TENT4A: variants seen among roughly 807,000 people sequenced by gnomAD.
TENT4A encodes DNA polymerase kappa.
In TENT4A, 7 loss-of-function variants were observed where a neutral mutation model predicts 72.8. The ratio of observed to expected loss-of-function variants is 0.10; its 90% CI spans 0.05 to 0.18. TENT4A has a LOEUF of 0.18. TENT4A is among the 10% of genes least tolerant of loss of function. TENT4A has a pLI of 1.00. For synonymous variants in TENT4A, 456 were observed against 434.3 expected, an observed-to-expected ratio of 1.05 and a Z score of -0.62; for missense variants, 831 against 1,017.7, an observed-to-expected ratio of 0.82 and a Z score of 2.50.
intron 1 of TENT4A, among the ~76,000 whole-genome samples, chr5:6,736,688 T>C (rs1236700431): frequency 6.6e-6 from 1 of 152,238 alleles, no homozygotes; most frequent in Non-Finnish European, 1.5e-5. Flanking sequence ...ACCTCAGCTC[T>C]TGGAGCCCAT....
At chr5:6,723,100 A>C (rs541066416) in intron 1 of TENT4A, among the ~76,000 whole-genome samples, 1 of 152,386 alleles carries the variant, frequency 6.6e-6, no homozygotes, top group Admixed American at 6.5e-5. Flanking sequence ...ATTGAAACTC[A>C]TACAACAGTA....
chr5:6,732,418 C>CT (rs1741259286), intron 1 of TENT4A, among the ~76,000 whole-genome samples: 1 of 152,226 alleles, frequency 6.6e-6, no homozygotes, highest in Non-Finnish European at 1.5e-5. Flanking sequence ...TAGGATCCTT[C>CT]TTTTGCTCTT....
At chr5:6,736,023 A>C (rs1309514480) in intron 1 of TENT4A, among the ~76,000 whole-genome samples, 1 of 152,108 alleles carries the variant, frequency 6.6e-6, no homozygotes, top group Non-Finnish European at 1.5e-5. Context: ...AGCCTCCCAA[A>C]GTGCTGGGAT....
In TENT4A at chr5:6,749,526, T is replaced by C. The variant is rs189435298; in HGVS notation, c.1587-31T>C. Reference sequence around the variant, plus strand: ...CTCAGCTCCCTGACACCTGTTGTACTCTGTTGATCTCCAACAATGTCCCTT... The same window carrying C: ...CTCAGCTCCCTGACACCTGTTGTACCCTGTTGATCTCCAACAATGTCCCTT... On this transcript the variant is annotated intron_variant, in intron 8 of 12. Coordinates refer to ENST00000230859, the MANE Select transcript of TENT4A (RefSeq NM_006999.6). 5.2e-3 allele frequency: 7,428 copies of C among 1,433,472 alleles called. 24 individuals are homozygous for C. Among genetic ancestry groups the C allele is most frequent in the Non-Finnish European group, 6.3e-3 (6,445 of 1,015,574 alleles). 88.8% of individuals were successfully genotyped at this position (1,433,472 alleles called of 1,614,324 possible). A position where few individuals can be genotyped will look rare whatever the true frequency, so the allele number is the denominator to read the frequency against.
chr5:6,720,347 A>C (rs1376438306), intron 1 of TENT4A, among the ~76,000 whole-genome samples: 1 of 152,080 alleles, frequency 6.6e-6, no homozygotes, highest in Non-Finnish European at 1.5e-5. Flanking sequence ...CCTGGCATAG[A>C]ATCCGTTGAT....
intron 1 of TENT4A, among the ~76,000 whole-genome samples, chr5:6,734,251 C>T (rs1454427681): frequency 6.6e-6 from 1 of 152,258 alleles, no homozygotes. Flanking sequence ...TGTTGGGCTA[C>T]TCTTACTGTG....
At chr5:6,733,657 A>C (rs1032529025) in intron 1 of TENT4A, among the ~76,000 whole-genome samples, 2 of 152,172 alleles carry the variant, frequency 1.3e-5, no homozygotes, top group African/African-American at 2.4e-5. Context: ...ACTTATTTCT[A>C]TTTTGTTGAG....
chr5:6,754,344 T>G (rs1161433464), intron 12 of TENT4A, among the ~76,000 whole-genome samples: 1 of 152,150 alleles, frequency 6.6e-6, no homozygotes, highest in African/African-American at 2.4e-5. Flanking sequence ...AATTTTTGTA[T>G]TTTTAGTAGA....
chr5:6,719,151 TAAA>T (rs1740527124), intron 1 of TENT4A, among the ~76,000 whole-genome samples: 1 of 152,186 alleles, frequency 6.6e-6, no homozygotes, highest in South Asian at 2.1e-4. Flanking sequence ...TATTTTAAAG[TAAA>T]AAGTTCTAAG....
Position 6,754,962 on chromosome 5 carries a change from C to A in TENT4A, c.*17C>A, listed in dbSNP as rs1561050508. On this transcript the variant is annotated 3_prime_UTR_variant, in exon 13 of 13. Coordinates refer to ENST00000230859, the MANE Select transcript of TENT4A (RefSeq NM_006999.6). ...AGCAGATAATGGCTCCTGGCTGCGT[C>A]AGCCTCCCCCACCCCTCTGCAGACT... 1 of 1,557,912 alleles carries A rather than the reference C, an allele frequency of 6.4e-7. No homozygotes were observed. Among genetic ancestry groups the A allele is most frequent in the Non-Finnish European group, 8.7e-7 (1 of 1,142,908 alleles).
chr5:6,739,654 T>G, intron 3 of TENT4A, 78 bp from the exon 4 acceptor site: 1 of 1,562,630 alleles, frequency 6.4e-7, no homozygotes, highest in South Asian at 1.2e-5. Flanking sequence ...CACATGTGCC[T>G]TGGTGCTTAT....
At chr5:6,741,502 G>A (rs911220133) in intron 4 of TENT4A, among the ~76,000 whole-genome samples, 1 of 152,210 alleles carries the variant, frequency 6.6e-6, no homozygotes, top group Admixed American at 6.5e-5. Flanking sequence ...TGGGTGTCAG[G>A]GAGGCATAGC....
At chr5:6,754,244 C>T (rs1347124078) in intron 12 of TENT4A, among the ~76,000 whole-genome samples, 5 of 152,226 alleles carry the variant, frequency 3.3e-5, no homozygotes, top group African/African-American at 9.6e-5. Flanking sequence ...TCTCAGCTCA[C>T]TGCAACCTCC....
rs941595689 is a variant in TENT4A at position 6,736,239 on chromosome 5, A to T, written c.717-1271A>T. On this transcript the variant is annotated intron_variant, in intron 1 of 12. Transcript: ENST00000230859. ...CGGCTTGGAATGCGTACTCCAAATGACTCTTTTGGCGGGGTGGGAAGTGGC... is the reference window on the plus strand; with the variant it reads ...CGGCTTGGAATGCGTACTCCAAATGTCTCTTTTGGCGGGGTGGGAAGTGGC... Among the ~76,000 whole-genome samples, 6 of 151,564 alleles carry T rather than the reference A, an allele frequency of 4.0e-5. No homozygotes were observed. In the South Asian group the frequency reaches 6.3e-4, roughly 16 times the overall value.
In TENT4A at chr5:6,714,599, A is replaced by C; in HGVS notation, c.616A>C (p.Ser206Arg). 1 of 1,198,176 alleles carries C rather than the reference A, an allele frequency of 8.3e-7. No individual in the cohort carries two copies. Among genetic ancestry groups the C allele is most frequent in the Non-Finnish European group, 1.0e-6 (1 of 966,150 alleles). 74.2% of individuals were successfully genotyped at this position (1,198,176 alleles called of 1,614,324 possible). Residue 206 changes from serine to arginine, a missense_variant, in exon 1 of 13, where the codon AGC becomes CGC. Coordinates refer to ENST00000230859, the MANE Select transcript of TENT4A (RefSeq NM_006999.6). ...TYGLNYLLSG[S>R]RAAALSGGGG... ...CGGCCTCAACTACCTGCTGTCCGGCAGCCGCGCGGCCGCTCTCAGCGGAGG... is the reference window on the plus strand; with the variant it reads ...CGGCCTCAACTACCTGCTGTCCGGCCGCCGCGCGGCCGCTCTCAGCGGAGG...
chr5:6,719,967 C>A (rs1052532673), intron 1 of TENT4A, among the ~76,000 whole-genome samples: 31 of 152,194 alleles, frequency 2.0e-4, no homozygotes, highest in African/African-American at 7.2e-4. Flanking sequence ...AGCTGGCACT[C>A]AGGGTCCTCT....
chr5:6,755,925 T>G lies in TENT4A; in HGVS notation c.*980T>G, dbSNP rs1282071786. On this transcript the variant is annotated 3_prime_UTR_variant, in exon 13 of 13. Coordinates refer to ENST00000230859, the MANE Select transcript of TENT4A (RefSeq NM_006999.6). ...TGAACTGGAAAACGCTTCGGTCAGT[T>G]TTAGTGACATAGCCTGTGATGATGG... 1 of 152,252 alleles carries G rather than the reference T, an allele frequency of 6.6e-6. No individual in the cohort carries two copies. Among genetic ancestry groups the G allele is most frequent in the Non-Finnish European group, 1.5e-5 (1 of 68,046 alleles). 9.4% of individuals were successfully genotyped at this position (152,252 alleles called of 1,614,324 possible).
chr5:6,745,868 G>C, intron 6 of TENT4A: 1 of 396,198 alleles, frequency 2.5e-6, no homozygotes, highest in Non-Finnish European at 4.2e-6. Context: ...ACGAGAATCT[G>C]AAATTACATC....
intron 6 of TENT4A, 144 bp from the exon 7 acceptor site, chr5:6,746,070 C>A: frequency 6.6e-7 from 1 of 1,506,642 alleles, no homozygotes. Context: ...GCTGTTCAGG[C>A]TTCCTCGTGG....
Sources: gnomAD v4.1 joint callset for allele counts (sites outside exome capture counted in the v4.1 genomes callset) on GRCh38, gnomAD v4.1.1 for gene constraint, MANE v1.5 for transcripts, NCBI Gene and HGNC (gene_info 2026-07-23, HGNC 2026-07-21) for gene names.